Variants in RSPH4A observed in about 807,000 individuals in gnomAD.
RSPH4A encodes radial spoke head protein 4 homolog A.
Under a neutral mutation model 71.0 loss-of-function variants are expected in RSPH4A, and 47 were observed. The ratio of observed to expected loss-of-function variants is 0.66; its 90% confidence interval spans 0.52 to 0.84. The LOEUF (loss-of-function observed/expected upper bound fraction) is 0.84, where lower values mean the gene tolerates loss of function less well. Ranked by LOEUF, RSPH4A falls within the 40% of genes least tolerant of loss-of-function variation. The pLI is 0.00. For missense variants in RSPH4A, 793 were observed against 855.2 expected, an observed-to-expected ratio of 0.93 and a Z score of 0.91; for synonymous variants, 282 against 302.3, an observed-to-expected ratio of 0.93 and a Z score of 0.70.
intron 4 of RSPH4A, 63 bp from the exon 5 acceptor site, chr6:116,630,372 G>T: frequency 1.2e-6 from 1 of 845,540 alleles, no homozygotes. Flanking sequence ...TATAAAAATA[G>T]CTTACACAGT....
At position 116,631,165 on chromosome 6, in the gene RSPH4A, CATTG is replaced by C. The variant is rs550246890; in HGVS notation, c.1916+617_1916+620del. Among the ~76,000 whole-genome samples the C allele has an allele frequency of 2.8e-4, 43 of 152,172 alleles. 1 individual carries two copies. Among genetic ancestry groups the C allele is most frequent in the South Asian group, 1.0e-3 (5 of 4,826 alleles). Reference sequence around the variant, plus strand: ...GTTGAAATAAAATATGGTTTTTCATCATTGATTATTTGGGTAATGACTTATTCAC... The same window carrying C: ...GTTGAAATAAAATATGGTTTTTCATCATTATTTGGGTAATGACTTATTCAC... On this transcript the variant is annotated intron_variant, in intron 5 of 5. Coordinates refer to ENST00000229554, the MANE Select transcript of RSPH4A (RefSeq NM_001010892.3).
At chr6:116,621,058 C>G (rs1440358672) in intron 1 of RSPH4A, among the ~76,000 whole-genome samples, 1 of 151,998 alleles carries the variant, frequency 6.6e-6, no homozygotes. Context: ...GGGGTTTCAC[C>G]ATGTTGGCCA....
At chr6:116,619,282 A>C (rs1040180509) in intron 1 of RSPH4A, among the ~76,000 whole-genome samples, 2 of 152,164 alleles carry the variant, frequency 1.3e-5, no homozygotes, top group African/African-American at 4.8e-5. Flanking sequence ...CTCTCTGTGG[A>C]GCATTCTTTC....
chr6:116,619,097 C>A (rs1468501140), intron 1 of RSPH4A, among the ~76,000 whole-genome samples: 3 of 152,210 alleles, frequency 2.0e-5, no homozygotes, highest in Non-Finnish European at 4.4e-5. Context: ...AGGCCACCCT[C>A]CAGCAACCTC....
chr6:116,616,843 C>A lies in RSPH4A; in HGVS notation c.220C>A (p.Pro74Thr), dbSNP rs769325632. The A allele has an allele frequency of 1.2e-6, 2 of 1,614,072 alleles. No individual in the cohort carries two copies. The highest frequency in any genetic ancestry group is 2.2e-5 in the South Asian group (2 of 91,064). The change falls in exon 1 of 6, where the codon CCC (proline) becomes ACC (threonine). Residue 74 changes from proline to threonine, a missense_variant. Physicochemically the swap from Pro to Thr is conservative, Grantham distance 38. Transcript: ENST00000229554. ...TAGAGCCAAGACGCCTCTGGGTGGCCCCGCGGGACCAGAAACATCATCACC... is the reference window on the plus strand; with the variant it reads ...TAGAGCCAAGACGCCTCTGGGTGGCACCGCGGGACCAGAAACATCATCACC... Reference protein sequence around the residue: ...QSRAKTPLGGPAGPETSSPAP... With the variant: ...QSRAKTPLGGTAGPETSSPAP...
chr6:116,624,688 C>G (rs1243909413), intron 2 of RSPH4A, among the ~76,000 whole-genome samples: 1 of 152,170 alleles, frequency 6.6e-6, no homozygotes. Flanking sequence ...ATATGACCAA[C>G]CTGTCCCTGA....
At chr6:116,619,998 C>A (rs1243755071) in intron 1 of RSPH4A, among the ~76,000 whole-genome samples, 1 of 152,186 alleles carries the variant, frequency 6.6e-6, no homozygotes, top group East Asian at 1.9e-4. Flanking sequence ...GGATTACAGG[C>A]GTGAGCCACC....
Position 116,628,100 on chromosome 6 carries a change from C to G in RSPH4A, c.1393C>G (p.Arg465Gly). The part of the protein sequence containing the change: ...ARKIKKFFTG[R>G]LDAPIISYPP... ...AAAAATCAAGAAATTTTTCACTGGGCGATTGGATGCTCCCATCATAAGCTA... is the reference window on the plus strand; with the variant it reads ...AAAAATCAAGAAATTTTTCACTGGGGGATTGGATGCTCCCATCATAAGCTA... The change falls in exon 3 of 6, where the codon CGA (arginine) becomes GGA (glycine). Residue 465 changes from arginine to glycine, a missense_variant. Physicochemically the swap from Arg to Gly is moderately radical, Grantham distance 125. Transcript: ENST00000229554. 6.2e-7 allele frequency: 1 copy of G among 1,614,040 alleles called. No individual in the cohort carries two copies. The highest frequency in any genetic ancestry group is 8.5e-7 in the Non-Finnish European group (1 of 1,179,992).
intron 1 of RSPH4A, among the ~76,000 whole-genome samples, chr6:116,618,368 G>GTCT (rs1775544922): frequency 6.6e-6 from 1 of 152,066 alleles, no homozygotes; most frequent in African/African-American, 2.4e-5. Context: ...TAGATTGGAG[G>GTCT]CCCCCAGAGA....
chr6:116,622,669 C>T (rs762779643), intron 1 of RSPH4A, 99 bp from the exon 2 acceptor site: 19 of 785,768 alleles, frequency 2.4e-5, no homozygotes, highest in Middle Eastern at 3.6e-4. Flanking sequence ...TTTCATTTAA[C>T]GTCTATATTT....
rs939220525 is a variant in RSPH4A at position 116,628,369 on chromosome 6, G to A, written c.1662G>A (p.Gln554=). The A allele has an allele frequency of 4.3e-6, 7 of 1,609,462 alleles. No homozygotes were observed. In the African/African-American group the frequency reaches 9.4e-5, roughly 22 times the overall value. ...WVHHVQHILS[Q]GRCNWFNSIQ... is the part of the protein sequence containing the mutation. ...ATCATGTACAGCATATTCTCTCTCA[G>A]GTAGGAGCTTTGCACTTCTCAATCT... is the stretch of plus-strand genomic sequence containing the variant. Residue 554 remains glutamine (Q), a splice_region_variant and synonymous_variant, in exon 3 of 6, where the codon CAG becomes CAA. Coordinates refer to ENST00000229554, the MANE Select transcript of RSPH4A (RefSeq NM_001010892.3).
chr6:116,621,877 C>A (rs994504680), intron 1 of RSPH4A, among the ~76,000 whole-genome samples: 1 of 152,096 alleles, frequency 6.6e-6, no homozygotes, highest in African/African-American at 2.4e-5. Flanking sequence ...GAAAAGAGCA[C>A]TTTAACAGGA....
At chr6:116,620,548 C>T (rs1057178110) in intron 1 of RSPH4A, among the ~76,000 whole-genome samples, 10 of 152,138 alleles carry the variant, frequency 6.6e-5, no homozygotes, top group Admixed American at 2.6e-4. Context: ...AGAATTGCTT[C>T]CTCCTTTTCT....
At position 116,632,249 on chromosome 6, in the gene RSPH4A, T is replaced by C; in HGVS notation, c.1959T>C (p.Ser653=). Residue 653 remains serine (S), a synonymous_variant, in exon 6 of 6, where the codon AGT becomes AGC. Transcript: ENST00000229554. ...ACATAGGCTGGGGTCATAAGTATAG[T>C]CCAGACAATTATACACCCCCAGTTC... is the stretch of plus-strand genomic sequence containing the variant. The part of the protein sequence containing the change: ...NFYIGWGHKY[S]PDNYTPPVPP... 6.2e-7 allele frequency: 1 copy of C among 1,612,182 alleles called. No homozygotes were observed. Among genetic ancestry groups the C allele is most frequent in the Non-Finnish European group, 8.5e-7 (1 of 1,179,764 alleles).
At chr6:116,629,844 G>T (rs2115364749) in intron 4 of RSPH4A, 142 bp downstream of exon 4, 1 of 763,018 alleles carries the variant, frequency 1.3e-6, no homozygotes, top group East Asian at 2.5e-5. Flanking sequence ...TCATGTTCTG[G>T]GATGATAGGG....
chr6:116,625,724 G>A (rs1376512790), intron 2 of RSPH4A, among the ~76,000 whole-genome samples: 1 of 152,148 alleles, frequency 6.6e-6, no homozygotes, highest in Non-Finnish European at 1.5e-5. Context: ...AAATATTGAA[G>A]ATCAAGGGAG....
At chr6:116,620,892 G>A (rs202147532) in intron 1 of RSPH4A, among the ~76,000 whole-genome samples, 5 of 152,126 alleles carry the variant, frequency 3.3e-5, no homozygotes, top group East Asian at 1.9e-4. Flanking sequence ...AGAGTCTCAC[G>A]TTGTCACCCA....
At chr6:116,618,229 C>A (rs1775543030) in intron 1 of RSPH4A, among the ~76,000 whole-genome samples, 1 of 152,212 alleles carries the variant, frequency 6.6e-6, no homozygotes, top group African/African-American at 2.4e-5. Context: ...GCTGGCTCCT[C>A]ATTCTTCAGA....
rs139652971 is a variant in RSPH4A at position 116,632,208 on chromosome 6, A to G, written c.1918A>G (p.Lys640Glu). The G allele has an allele frequency of 1.2e-6, 2 of 1,604,588 alleles. No individual in the cohort carries two copies. The highest frequency in any genetic ancestry group is 1.3e-5 in the African/African-American group (1 of 74,456). ...PGAYAFSNGK[K>E]FENFYIGWGH... ...TCTTCTTCTTTTTCTTACTTATAGA[A>G]AGTTTGAAAATTTCTACATAGGCTG... is the stretch of plus-strand genomic sequence containing the variant. Residue 640 changes from lysine to glutamate, a missense_variant and splice_region_variant, in exon 6 of 6, where the codon AAG (lysine) becomes GAG (glutamate). Transcript: ENST00000229554.
Sources: allele counts gnomAD v4.1 joint callset (sites outside exome capture counted in the v4.1 genomes callset), GRCh38; gene constraint gnomAD v4.1.1; transcripts MANE v1.5; gene names NCBI Gene and HGNC (gene_info 2026-07-23, HGNC 2026-07-21).